Variants in SETBP1 observed in about 807,000 individuals in gnomAD.
SETBP1 encodes the protein SET-binding protein.
Under a neutral mutation model 101.0 loss-of-function variants are expected in SETBP1, and 9 were observed. That is an observed-to-expected ratio of 0.09 (90% CI 0.05 to 0.16). SETBP1 has a LOEUF of 0.16. Among genes scored for constraint, SETBP1 ranks in the 10% least tolerant of loss-of-function variants. The pLI, the probability that SETBP1 is intolerant of heterozygous loss-of-function variation, is 1.00. For missense variants in SETBP1, 1,858 were observed against 2,033.8 expected, an observed-to-expected ratio of 0.91 and a Z score of 1.66; for synonymous variants, 818 against 788.5, an observed-to-expected ratio of 1.04 and a Z score of -0.63.
chr18:44,936,627 T>C (rs1267139574), intron 3 of SETBP1, among the ~76,000 whole-genome samples: 1 of 152,176 alleles, frequency 6.6e-6, no homozygotes, highest in East Asian at 1.9e-4. Context: ...CTGGGAAGTC[T>C]CTTCTAGGGG....
chr18:45,014,658 T>C (rs1389993464), intron 4 of SETBP1, among the ~76,000 whole-genome samples: 1 of 152,034 alleles, frequency 6.6e-6, no homozygotes, highest in East Asian at 1.9e-4. Context: ...TATGGCATTG[T>C]TTAGTGGTTA....
chr18:44,889,456 C>T (rs547960731), intron 3 of SETBP1, among the ~76,000 whole-genome samples: 47 of 152,176 alleles, frequency 3.1e-4, no homozygotes, highest in African/African-American at 1.1e-3. Flanking sequence ...CAGTTTGGCC[C>T]CAGTCATGTG....
rs1343867753 is a variant in SETBP1, at chr18:45,065,998, CT to C, written c.*2306del. On this transcript the variant is annotated 3_prime_UTR_variant, in exon 6 of 6. Coordinates refer to ENST00000649279, the MANE Select transcript of SETBP1 (RefSeq NM_015559.3). ...TCTTACTGGGTTTTGAAATCATTTC[CT>C]TTTTTCTTTCGTTTGCCCTTCTTCC... is the stretch of plus-strand genomic sequence containing the variant. The C allele has an allele frequency of 2.0e-5, 3 of 152,132 alleles. No homozygotes were observed. The highest frequency in any genetic ancestry group is 7.2e-5 in the African/African-American group (3 of 41,412). 9.4% of individuals were successfully genotyped at this position (152,132 alleles called of 1,614,324 possible). A position where few individuals can be genotyped will look rare whatever the true frequency, so the allele number is the denominator to read the frequency against.
At chr18:44,721,774 G>A (rs2069602631) in intron 2 of SETBP1, among the ~76,000 whole-genome samples, 1 of 152,168 alleles carries the variant, frequency 6.6e-6, no homozygotes, top group Admixed American at 6.5e-5. Flanking sequence ...ATGGCCATGA[G>A]GGGGACTTTT....
chr18:45,060,701 C>T (rs1037837528), intron 5 of SETBP1, among the ~76,000 whole-genome samples: 5 of 152,084 alleles, frequency 3.3e-5, no homozygotes, highest in Admixed American at 1.3e-4. Context: ...TTATTCAGCA[C>T]ATGTTTTTGA....
intron 2 of SETBP1, among the ~76,000 whole-genome samples, chr18:44,725,913 G>C (rs1005833752): frequency 1.3e-5 from 2 of 152,186 alleles, no homozygotes; most frequent in Admixed American, 6.5e-5. Flanking sequence ...TCTATGGTTA[G>C]AAAAGGGTGT....
rs1197682795 is a variant in SETBP1 at position 44,952,003 on chromosome 18, C to A, written c.2663C>A (p.Ser888Tyr). 5 of 1,613,880 alleles carry A rather than the reference C, an allele frequency of 3.1e-6. No individual in the cohort carries two copies. Among genetic ancestry groups the A allele is most frequent in the Non-Finnish European group, 4.2e-6 (5 of 1,180,008 alleles). Reference sequence around the variant, plus strand: ...GACCAAGCGGAGAAGAGCTCAGAATCCCGAAGGAGGTACTCTTTTGATTTC... The same window carrying A: ...GACCAAGCGGAGAAGAGCTCAGAATACCGAAGGAGGTACTCTTTTGATTTC... ...TSDQAEKSSE[S>Y]RRRYSFDFCS... The change falls in exon 4 of 6, where the codon TCC (serine) becomes TAC (tyrosine). Residue 888 changes from serine to tyrosine, a missense_variant. Physicochemically the swap from Ser to Tyr is moderately radical, Grantham distance 144. This residue lies in a region of SETBP1 where 255 missense variants were observed against 300.1 expected (regional missense o/e 0.85). Transcript: ENST00000649279.
In SETBP1 at chr18:44,952,106, C is replaced by T; in HGVS notation, c.2766C>T (p.Leu922=). 1 of 1,614,154 alleles carries T rather than the reference C, an allele frequency of 6.2e-7. No homozygotes were observed. Among genetic ancestry groups the T allele is most frequent in the Non-Finnish European group, 8.5e-7 (1 of 1,180,028 alleles). The change falls in exon 4 of 6, where the codon CTC becomes CTT. Residue 922 remains leucine (L), a synonymous_variant. Coordinates refer to ENST00000649279, the MANE Select transcript of SETBP1 (RefSeq NM_015559.3). Reference sequence around the variant, plus strand: ...GGCATGGCCACCGGCAAAAGCATCTCATTGTGGACAACTTTCTGGCCCACG... The same window carrying T: ...GGCATGGCCACCGGCAAAAGCATCTTATTGTGGACAACTTTCTGGCCCACG... The part of the protein sequence containing the change: ...KNRHGHRQKH[L]IVDNFLAHES...
At position 44,702,779 on chromosome 18, in the gene SETBP1, T is replaced by C. The variant is rs139175740; in HGVS notation, c.486+947T>C. ...CTCTCACAGAGCTGAAAAATCATCA[T>C]TGTGAAAGCCAGTGATGAGCATTAG... On this transcript the variant is annotated intron_variant, in intron 2 of 5. Coordinates refer to ENST00000649279, the MANE Select transcript of SETBP1 (RefSeq NM_015559.3). 1.7e-3 allele frequency among the ~76,000 whole-genome samples: 259 copies of C among 152,316 alleles called. No homozygotes were observed. In the Middle Eastern group the frequency reaches 0.017, roughly 10 times the overall value.
intron 1 of SETBP1, among the ~76,000 whole-genome samples, chr18:44,685,348 T>G (rs1229010046): frequency 1.3e-5 from 2 of 152,262 alleles, no homozygotes; most frequent in African/African-American, 2.4e-5. Context: ...AATATCTTTA[T>G]ATGGCTTCCG....
At chr18:44,712,953 C>CTTTTT (rs11323504) in intron 2 of SETBP1, among the ~76,000 whole-genome samples, 2 of 64,920 alleles carry the variant, frequency 3.1e-5, no homozygotes, top group African/African-American at 6.2e-5. Flanking sequence ...CAGCATCCCT[C>CTTTTT]TTTTTTTTTT....
chr18:44,747,570 A>G (rs1027905129), intron 2 of SETBP1, among the ~76,000 whole-genome samples: 2 of 152,146 alleles, frequency 1.3e-5, no homozygotes, highest in Non-Finnish European at 2.9e-5. Flanking sequence ...ACTGCTCCAC[A>G]TTGTTGTGCA....
intron 2 of SETBP1, among the ~76,000 whole-genome samples, chr18:44,794,107 G>A (rs571401040): frequency 2.0e-5 from 3 of 152,288 alleles, no homozygotes; most frequent in Non-Finnish European, 4.4e-5. Flanking sequence ...AGCCTGCAGA[G>A]TATGAACAGG....
At chr18:44,848,540 A>G (rs151063685) in intron 2 of SETBP1, among the ~76,000 whole-genome samples, 23 of 152,326 alleles carry the variant, frequency 1.5e-4, no homozygotes, top group African/African-American at 5.3e-4. Context: ...AAGACCTGTG[A>G]ACTCACCACA....
At chr18:45,055,775 AT>A (rs2073799549) in intron 5 of SETBP1, among the ~76,000 whole-genome samples, 1 of 152,186 alleles carries the variant, frequency 6.6e-6, no homozygotes, top group African/African-American at 2.4e-5. Context: ...CATCCTCTTT[AT>A]TAACAATTAG....
chr18:44,799,276 T>G (rs1335009325), intron 2 of SETBP1, among the ~76,000 whole-genome samples: 2 of 152,090 alleles, frequency 1.3e-5, no homozygotes, highest in Admixed American at 1.3e-4. Flanking sequence ...CCATAGGTTG[T>G]TCTCTCTGCT....
intron 4 of SETBP1, among the ~76,000 whole-genome samples, chr18:45,022,752 G>C (rs12969846): frequency 0.42 from 63,504 of 152,058 alleles, 14,030 homozygotes; most frequent in African/African-American, 0.55. Flanking sequence ...ATCACTGGAA[G>C]CCAGGAGGCA....
chr18:45,066,140 C>T lies in SETBP1; in HGVS notation c.*2442C>T, dbSNP rs1050334331. 1 of 152,194 alleles carries T rather than the reference C, an allele frequency of 6.6e-6. No homozygotes were observed. Among genetic ancestry groups the T allele is most frequent in the Admixed American group, 6.5e-5 (1 of 15,278 alleles). The allele number at this position is 152,194 out of a possible 1,614,324, so 9.4% of individuals were successfully genotyped here. ...TAATAAGGACCCAAAGTTTACTTGA[C>T]ATTAACCTCTAGTAGGTGAGAAATT... On this transcript the variant is annotated 3_prime_UTR_variant, in exon 6 of 6. Transcript: ENST00000649279.
chr18:44,849,693 A>AT (rs2072806836), intron 2 of SETBP1, among the ~76,000 whole-genome samples: 1 of 139,544 alleles, frequency 7.2e-6, no homozygotes, highest in Non-Finnish European at 1.6e-5. Context: ...AGAGAGAGAG[A>AT]GGAGTTCAGC....
Sources: gnomAD v4.1 joint callset for allele counts (sites outside exome capture counted in the v4.1 genomes callset) on GRCh38, gnomAD v4.1.1 for gene constraint, gnomAD v4.1.1 regional missense constraint, MANE v1.5 for transcripts, NCBI Gene and HGNC (gene_info 2026-07-23, HGNC 2026-07-21) for gene names.